TYW1: variants seen among roughly 807,000 people sequenced by gnomAD.
TYW1 encodes the protein S-adenosyl-L-methionine-dependent tRNA 4-demethylwyosine synthase TYW1.
A neutral mutation model predicts 96.2 loss-of-function variants in TYW1; 46 were observed. The observed-to-expected ratio is 0.48, with a 90% confidence interval of 0.38 to 0.61. The LOEUF (loss-of-function observed/expected upper bound fraction) is 0.61, where lower values mean the gene tolerates loss of function less well. TYW1 is among the 20% of genes least tolerant of loss of function. The pLI is 0.00. For synonymous variants in TYW1, 274 were observed against 323.0 expected, an observed-to-expected ratio of 0.85 and a Z score of 1.63; for missense variants, 684 against 909.6, an observed-to-expected ratio of 0.75 and a Z score of 3.19.
At chr7:67,039,338 G>C (rs1794941050) in intron 7 of TYW1, among the ~76,000 whole-genome samples, 1 of 151,804 alleles carries the variant, frequency 6.6e-6, no homozygotes, top group Non-Finnish European at 1.5e-5. Flanking sequence ...GGCACCTGTA[G>C]TCCCAGCTAC....
intron 11 of TYW1, among the ~76,000 whole-genome samples, chr7:67,096,776 C>G (rs1444148118): frequency 6.6e-6 from 1 of 152,104 alleles, no homozygotes; most frequent in Non-Finnish European, 1.5e-5. Context: ...TCATTCCCCT[C>G]TATGTGTTCA....
At chr7:67,143,408 G>A (rs911472868) in intron 13 of TYW1, among the ~76,000 whole-genome samples, 1 of 152,214 alleles carries the variant, frequency 6.6e-6, no homozygotes, top group African/African-American at 2.4e-5. Context: ...GTTATTTAAT[G>A]CATACTTTAT....
At chr7:67,136,673 GTGTGTGTGTGTGTA>G (rs1468777981) in intron 13 of TYW1, among the ~76,000 whole-genome samples, 15 of 115,314 alleles carry the variant, frequency 1.3e-4, no homozygotes, top group African/African-American at 5.2e-4. Flanking sequence ...GTGTGTGTGT[GTGTGTGTGTGTGTA>G]TATATATATA....
intron 9 of TYW1, among the ~76,000 whole-genome samples, chr7:67,063,748 T>A (rs992446815): frequency 1.3e-5 from 2 of 151,964 alleles, no homozygotes; most frequent in African/African-American, 4.8e-5. Context: ...GGACTACAGG[T>A]GCCCGCCACC....
At position 66,998,195 on chromosome 7, in the gene TYW1, G is replaced by T; in HGVS notation, c.135G>T (p.Gln45His). 6.3e-7 allele frequency: 1 copy of T among 1,592,674 alleles called. No homozygotes were observed. Among genetic ancestry groups the T allele is most frequent in the African/African-American group, 1.4e-5 (1 of 71,994 alleles). Residue 45 changes from glutamine to histidine, a missense_variant and splice_region_variant, in exon 2 of 16, where the codon CAG (glutamine) becomes CAT (histidine). Gln to His is a conservative substitution (Grantham distance 24). Coordinates refer to ENST00000359626, the MANE Select transcript of TYW1 (RefSeq NM_018264.4). ...GTGTCCAGATTGTCATCAAGACGCA[G>T]GTAAGTGGAGTTATTTTTTTTTTAA... is the stretch of plus-strand genomic sequence containing the variant. Reference protein sequence around the residue: ...WICVQIVIKTQGKNLQEKSVP... With the variant: ...WICVQIVIKTHGKNLQEKSVP...
intron 11 of TYW1, 74 bp from the exon 12 acceptor site, chr7:67,098,467 T>A: frequency 6.9e-7 from 1 of 1,454,092 alleles, no homozygotes; most frequent in South Asian, 1.6e-5. Context: ...AATCAAAGCA[T>A]CATTAAGAAA....
intron 10 of TYW1, among the ~76,000 whole-genome samples, chr7:67,077,666 G>A (rs762258703): frequency 1.4e-4 from 22 of 152,128 alleles, no homozygotes; most frequent in Non-Finnish European, 2.4e-4. Context: ...GAATGGTTTG[G>A]AAATATTTTC....
intron 7 of TYW1, among the ~76,000 whole-genome samples, chr7:67,041,828 A>G (rs1349553321): frequency 6.6e-6 from 1 of 151,852 alleles, no homozygotes; most frequent in East Asian, 1.9e-4. Context: ...TGGACAAATT[A>G]TTTTACCCCT....
At chr7:67,035,066 G>A (rs917054351) in intron 7 of TYW1, among the ~76,000 whole-genome samples, 1 of 151,266 alleles carries the variant, frequency 6.6e-6, no homozygotes, top group Non-Finnish European at 1.5e-5. Flanking sequence ...TGCATTTTGT[G>A]TTTATTGTTC....
At position 67,024,891 on chromosome 7, in the gene TYW1, C is replaced by T. The variant is rs775866376; in HGVS notation, c.862-9C>T. ...TGAACAATGTATTTCTGAAGCATTT[C>T]TCTTCCAGGAGGAAGAACCCTTTGA... On this transcript the variant is annotated splice_polypyrimidine_tract_variant and intron_variant, in intron 6 of 15. Coordinates refer to ENST00000359626, the MANE Select transcript of TYW1 (RefSeq NM_018264.4). 6.2e-7 allele frequency: 1 copy of T among 1,613,334 alleles called. No individual in the cohort carries two copies. The highest frequency in any genetic ancestry group is 1.7e-5 in the Admixed American group (1 of 59,930).
intron 7 of TYW1, among the ~76,000 whole-genome samples, chr7:67,031,916 A>G (rs1457858465): frequency 6.6e-6 from 1 of 152,252 alleles, no homozygotes; most frequent in Non-Finnish European, 1.5e-5. Flanking sequence ...GATGTATAGC[A>G]AGACACATAC....
At chr7:67,211,371 CTCAG>C (rs1801016366) in intron 15 of TYW1, among the ~76,000 whole-genome samples, 2 of 152,280 alleles carry the variant, frequency 1.3e-5, no homozygotes, top group African/African-American at 4.8e-5. Flanking sequence ...AGCCGCAGCT[CTCAG>C]TCAGCCACGT....
At chr7:67,219,879 A>G (rs1469703461) in intron 15 of TYW1, among the ~76,000 whole-genome samples, 1 of 105,944 alleles carries the variant, frequency 9.4e-6, no homozygotes, top group Non-Finnish European at 1.9e-5. Context: ...CTATTTTGTT[A>G]ATCTCTGCTC....
intron 7 of TYW1, among the ~76,000 whole-genome samples, chr7:67,026,333 G>A (rs1259958737): frequency 6.6e-6 from 1 of 152,130 alleles, no homozygotes; most frequent in Non-Finnish European, 1.5e-5. Flanking sequence ...TTGGCCTCCT[G>A]TGGTGCTGGG....
At chr7:67,003,457 T>C (rs1248213227) in intron 3 of TYW1, among the ~76,000 whole-genome samples, 4 of 151,486 alleles carry the variant, frequency 2.6e-5, no homozygotes, top group Non-Finnish European at 5.9e-5. Flanking sequence ...AAAGAAAAGA[T>C]GTTTGTTTGG....
At chr7:67,222,875 T>C (rs1207474505) in intron 15 of TYW1, among the ~76,000 whole-genome samples, 5 of 150,594 alleles carry the variant, frequency 3.3e-5, no homozygotes, top group Non-Finnish European at 7.4e-5. Flanking sequence ...TCTTTTTTTT[T>C]TTTTTTTTTT....
chr7:67,046,835 C>T (rs944584218), intron 7 of TYW1, among the ~76,000 whole-genome samples: 12 of 152,164 alleles, frequency 7.9e-5, no homozygotes, highest in African/African-American at 2.9e-4. Flanking sequence ...TTATGACTGA[C>T]TCTGGGGTTG....
chr7:67,014,863 G>A (rs1343376477), intron 5 of TYW1, among the ~76,000 whole-genome samples: 1 of 152,102 alleles, frequency 6.6e-6, no homozygotes, highest in African/African-American at 2.4e-5. Flanking sequence ...CCGAGTAGCT[G>A]GGATTACAGG....
chr7:67,004,193 G>A (rs1385741011), intron 3 of TYW1, among the ~76,000 whole-genome samples: 5 of 152,158 alleles, frequency 3.3e-5, no homozygotes, highest in Non-Finnish European at 7.3e-5. Context: ...ATTTTGTCTG[G>A]ATTAGGACAG....
Sources: allele counts gnomAD v4.1 joint callset (sites outside exome capture counted in the v4.1 genomes callset), GRCh38; gene constraint gnomAD v4.1.1; transcripts MANE v1.5; gene names NCBI Gene and HGNC (gene_info 2026-07-23, HGNC 2026-07-21).